TAFA2: variants seen among roughly 807,000 people sequenced by gnomAD.
TAFA2 encodes TAFA chemokine like family member 2.
In TAFA2, 7 loss-of-function variants were observed where a neutral mutation model predicts 18.8. That is an observed-to-expected ratio of 0.37 (90% CI 0.21 to 0.70). The LOEUF (loss-of-function observed/expected upper bound fraction) is 0.70, where lower values mean the gene tolerates loss of function less well. Ranked by LOEUF, TAFA2 falls within the 30% of genes least tolerant of loss-of-function variation. TAFA2 has a pLI of 0.53. For synonymous variants in TAFA2, 60 were observed against 54.2 expected, an observed-to-expected ratio of 1.11 and a Z score of -0.47; for missense variants, 122 against 158.1, an observed-to-expected ratio of 0.77 and a Z score of 1.23.
At chr12:61,728,029 GTTGTTTTT>G (rs1314907954) in intron 4 of TAFA2, among the ~76,000 whole-genome samples, 1 of 85,750 alleles carries the variant, frequency 1.2e-5, no homozygotes, top group East Asian at 3.1e-4. Flanking sequence ...ACTTTTGAGG[GTTGTTTTT>G]TTTTTTTTTT....
At chr12:62,062,793 T>C (rs539995556) in intron 1 of TAFA2, among the ~76,000 whole-genome samples, 1 of 152,300 alleles carries the variant, frequency 6.6e-6, no homozygotes, top group South Asian at 2.1e-4. Context: ...TTAAGGTCCT[T>C]ATGGTTGAAT....
At chr12:62,115,950 G>A (rs953044060) in intron 1 of TAFA2, among the ~76,000 whole-genome samples, 3 of 152,040 alleles carry the variant, frequency 2.0e-5, no homozygotes, top group African/African-American at 7.3e-5. Flanking sequence ...CCCAGATAAA[G>A]GACAGTCAAG....
intron 1 of TAFA2, among the ~76,000 whole-genome samples, chr12:62,044,659 C>T (rs1881862142): frequency 6.6e-6 from 1 of 152,106 alleles, no homozygotes; most frequent in Non-Finnish European, 1.5e-5. Context: ...ATCAACAGTC[C>T]TAGGCAGACT....
chr12:62,126,369 C>T (rs2136886979), intron 1 of TAFA2, among the ~76,000 whole-genome samples: 2 of 152,172 alleles, frequency 1.3e-5, no homozygotes, highest in African/African-American at 4.8e-5. Context: ...CAAGCAAAGG[C>T]ATTAACATAT....
intron 2 of TAFA2, among the ~76,000 whole-genome samples, chr12:61,844,310 G>A (rs1367137261): frequency 1.3e-5 from 2 of 152,026 alleles, no homozygotes; most frequent in African/African-American, 2.4e-5. Context: ...CTATTTCCAG[G>A]CACTTTCAGC....
At chr12:62,120,679 G>T (rs1159799888) in intron 1 of TAFA2, among the ~76,000 whole-genome samples, 1 of 151,990 alleles carries the variant, frequency 6.6e-6, no homozygotes, top group East Asian at 1.9e-4. Flanking sequence ...TTCACATAAA[G>T]GTATGAAAAT....
intron 1 of TAFA2, among the ~76,000 whole-genome samples, chr12:62,082,219 T>C (rs140054312): frequency 0.024 from 3,693 of 152,292 alleles, 148 homozygotes; most frequent in African/African-American, 0.083. Flanking sequence ...GTTGATTCTA[T>C]GTCTTTGCTA....
At chr12:62,135,742 C>A (rs1322121976) in intron 1 of TAFA2, 1 of 151,850 alleles carries the variant, frequency 6.6e-6, no homozygotes, top group African/African-American at 2.4e-5. Flanking sequence ...AGTAACAAAG[C>A]CTGCATTGCG....
intron 1 of TAFA2, among the ~76,000 whole-genome samples, chr12:62,004,802 G>A (rs962013546): frequency 5.3e-5 from 8 of 152,048 alleles, no homozygotes; most frequent in Admixed American, 5.2e-4. Context: ...CGGGTGAATG[G>A]ATAAAGAAAA....
chr12:61,897,815 T>C (rs547466582), intron 1 of TAFA2, among the ~76,000 whole-genome samples: 1 of 152,270 alleles, frequency 6.6e-6, no homozygotes, highest in Non-Finnish European at 1.5e-5. Context: ...TATCATGCCT[T>C]CCCAACAGTT....
At chr12:61,887,546 C>T (rs1875438957) in intron 1 of TAFA2, among the ~76,000 whole-genome samples, 2 of 150,224 alleles carry the variant, frequency 1.3e-5, no homozygotes, top group Admixed American at 1.3e-4. Flanking sequence ...AACTCGTCAT[C>T]TAGCATTAGG....
intron 2 of TAFA2, among the ~76,000 whole-genome samples, chr12:61,820,540 A>G (rs1872276670): frequency 6.6e-6 from 1 of 151,862 alleles, no homozygotes; most frequent in Admixed American, 6.6e-5. Flanking sequence ...GAGGAGAAAG[A>G]AAGGAAGGAG....
At chr12:61,951,260 G>A (rs762683838) in intron 1 of TAFA2, among the ~76,000 whole-genome samples, 2 of 152,156 alleles carry the variant, frequency 1.3e-5, no homozygotes, top group African/African-American at 4.8e-5. Flanking sequence ...TGATGCTTAC[G>A]CAAATGGTCT....
intron 2 of TAFA2, among the ~76,000 whole-genome samples, chr12:61,805,474 G>A (rs1295481823): frequency 6.6e-6 from 1 of 151,956 alleles, no homozygotes; most frequent in Non-Finnish European, 1.5e-5. Context: ...TGCACTTAAA[G>A]TACATTTTGA....
intron 2 of TAFA2, among the ~76,000 whole-genome samples, chr12:61,773,097 C>A (rs767562772): frequency 2.2e-4 from 33 of 151,836 alleles, no homozygotes; most frequent in Non-Finnish European, 1.6e-4. Context: ...GAACTCAACT[C>A]ATTTTATGAT....
chr12:62,039,593 G>T (rs1881704330), intron 1 of TAFA2, among the ~76,000 whole-genome samples: 2 of 152,182 alleles, frequency 1.3e-5, no homozygotes. Flanking sequence ...TAACTTGGAT[G>T]AAATTAATGT....
At chr12:62,060,401 G>T (rs935704624) in intron 1 of TAFA2, among the ~76,000 whole-genome samples, 2 of 152,156 alleles carry the variant, frequency 1.3e-5, no homozygotes, top group African/African-American at 4.8e-5. Context: ...TACTCAGTTT[G>T]TAATGATGCT....
chr12:62,213,192 G>A (rs1402201256), intron 1 of TAFA2, among the ~76,000 whole-genome samples: 1 of 152,168 alleles, frequency 6.6e-6, no homozygotes, highest in Non-Finnish European at 1.5e-5. Flanking sequence ...AGTTAGAGAA[G>A]TAGTAAGAAG....
chr12:62,110,728 T>C (rs1869690908), intron 1 of TAFA2, among the ~76,000 whole-genome samples: 1 of 151,646 alleles, frequency 6.6e-6, no homozygotes, highest in Admixed American at 6.6e-5. Flanking sequence ...GGAGGGTGTA[T>C]GTGTCCAGGT....
Sources: gnomAD v4.1 joint callset for allele counts (sites outside exome capture counted in the v4.1 genomes callset) on GRCh38, gnomAD v4.1.1 for gene constraint, MANE v1.5 for transcripts, NCBI Gene and HGNC (gene_info 2026-07-23, HGNC 2026-07-21) for gene names.